Variants in SPATA31E1 observed in about 807,000 individuals in gnomAD.
SPATA31E1 encodes the protein spermatogenesis-associated protein 31E1.
In SPATA31E1, 7 loss-of-function variants were observed where a neutral mutation model predicts 12.9. The observed-to-expected ratio is 0.54, with a 90% CI of 0.31 to 1.02. The LOEUF is 1.02. SPATA31E1 is among the 50% of genes least tolerant of loss of function. SPATA31E1 has a pLI of 0.05. For missense variants in SPATA31E1, 1,961 were observed against 1,799.8 expected, an observed-to-expected ratio of 1.09 and a Z score of -1.62; for synonymous variants, 771 against 719.0, an observed-to-expected ratio of 1.07 and a Z score of -1.16.
Position 87,888,318 on chromosome 9 carries a change from G to C in SPATA31E1, c.3831G>C (p.Arg1277Ser). The C allele has an allele frequency of 6.2e-7, 1 of 1,614,208 alleles. No individual in the cohort carries two copies. The highest frequency in any genetic ancestry group is 1.1e-5 in the South Asian group (1 of 91,082). The change falls in exon 4 of 4, where the codon AGG becomes AGC. Residue 1277 changes from arginine to serine, a missense_variant. Arg to Ser is a moderately radical substitution (Grantham distance 110). Transcript: ENST00000325643. ...ISHHPQGLHP[R>S]KGGTRWEDVL... ...ACCATCCACAGGGTCTACACCCCAG[G>C]AAAGGAGGCACACGGTGGGAAGATG...
chr9:87,888,499 G>A lies in SPATA31E1; in HGVS notation c.4012G>A (p.Gly1338Ser). The A allele has an allele frequency of 6.2e-7, 1 of 1,614,138 alleles. No homozygotes were observed. The highest frequency in any genetic ancestry group is 8.5e-7 in the Non-Finnish European group (1 of 1,180,016). The change falls in exon 4 of 4, where the codon GGT becomes AGT. Residue 1338 changes from glycine to serine, a missense_variant. By Grantham distance (56) the Gly-to-Ser change is moderately conservative. Transcript: ENST00000325643. ...CAAACTGGGGCTTCAGTGGGGACGA[G>A]GTCCCTCAGAGGTCAATCGCCACAA... ...VDKLGLQWGRGPSEVNRHKGD... is the reference protein window; with the variant it reads ...VDKLGLQWGRSPSEVNRHKGD...
rs1828301437 is a variant in SPATA31E1, at chr9:87,887,361, T to C, written c.2874T>C (p.Cys958=). The part of the protein sequence containing the change: ...AFPTGHKGRG[C]SQPPTCSLVG... ...CGACTGGACACAAGGGCAGGGGGTG[T>C]TCTCAGCCCCCAACATGCAGCCTTG... The change falls in exon 4 of 4, where the codon TGT becomes TGC. Residue 958 remains cysteine (C), a synonymous_variant. Coordinates refer to ENST00000325643, the MANE Select transcript of SPATA31E1 (RefSeq NM_178828.5). 6.2e-7 allele frequency: 1 copy of C among 1,613,428 alleles called. No homozygotes were observed. The highest frequency in any genetic ancestry group is 8.5e-7 in the Non-Finnish European group (1 of 1,179,942).
Position 87,886,452 on chromosome 9 carries a change from G to A in SPATA31E1, c.1965G>A (p.Gln655=), listed in dbSNP as rs774915716. ...TGCAGGCATCTGGGGACCTGCTACA[G>A]CCTGATGGGGAATTCCCAGGGAGGC... The part of the protein sequence containing the change: ...SRLQASGDLL[Q]PDGEFPGRPQ... The change falls in exon 4 of 4, where the codon CAG becomes CAA. Residue 655 remains glutamine (Q), a synonymous_variant. Transcript: ENST00000325643. 4 of 1,613,992 alleles carry A rather than the reference G, an allele frequency of 2.5e-6. No individual in the cohort carries two copies. Among genetic ancestry groups the A allele is most frequent in the Admixed American group, 1.7e-5 (1 of 60,020 alleles).
At chr9:87,884,140 C>G in intron 2 of SPATA31E1, 94 bp downstream of exon 2, 2 of 1,456,692 alleles carry the variant, frequency 1.4e-6, no homozygotes, top group Non-Finnish European at 1.9e-6. Flanking sequence ...AGGGAAGCTC[C>G]TGGGAGAGAA....
chr9:87,883,854 T>G, intron 1 of SPATA31E1, 138 bp from the exon 2 acceptor site: 1 of 884,002 alleles, frequency 1.1e-6, no homozygotes, highest in Non-Finnish European at 1.7e-6. Flanking sequence ...ACGGTAAACA[T>G]GAGTAAAAAG....
intron 1 of SPATA31E1, among the ~76,000 whole-genome samples, chr9:87,883,664 C>A (rs1400901497): frequency 6.6e-6 from 1 of 152,186 alleles, no homozygotes; most frequent in African/African-American, 2.4e-5. Context: ...CCATGGTACC[C>A]TGGCCTCCTC....
Position 87,888,086 on chromosome 9 carries a change from G to A in SPATA31E1, c.3599G>A (p.Cys1200Tyr), listed in dbSNP as rs757721319. ...APQKSQKTLGCADKGEAHRRP... is the reference protein window; with the variant it reads ...APQKSQKTLGYADKGEAHRRP... Reference sequence around the variant, plus strand: ...CAGAAGAGTCAGAAGACGCTGGGCTGTGCGGACAAGGGCGAGGCCCACAGG... The same window carrying A: ...CAGAAGAGTCAGAAGACGCTGGGCTATGCGGACAAGGGCGAGGCCCACAGG... The change falls in exon 4 of 4, where the codon TGT becomes TAT. Residue 1200 changes from cysteine (C) to tyrosine (Y), a missense_variant. Transcript: ENST00000325643. The A allele has an allele frequency of 6.2e-7, 1 of 1,601,630 alleles. No homozygotes were observed. Among genetic ancestry groups the A allele is most frequent in the Non-Finnish European group, 8.5e-7 (1 of 1,173,986 alleles).
chr9:87,887,975 C>T lies in SPATA31E1; in HGVS notation c.3488C>T (p.Ala1163Val). ...SQSVSGKNMTASQGPCALLWK... is the reference protein window; with the variant it reads ...SQSVSGKNMTVSQGPCALLWK... The stretch of plus-strand genomic sequence containing the variant: ...AGTGTGTCTGGTAAGAACATGACAG[C>T]TTCCCAGGGGCCATGTGCCCTCCTA... Residue 1163 changes from alanine to valine, a missense_variant, in exon 4 of 4, where the codon GCT (alanine) becomes GTT (valine). Coordinates refer to ENST00000325643, the MANE Select transcript of SPATA31E1 (RefSeq NM_178828.5). 4 of 1,613,810 alleles carry T rather than the reference C, an allele frequency of 2.5e-6. No individual in the cohort carries two copies. Among genetic ancestry groups the T allele is most frequent in the Non-Finnish European group, 3.4e-6 (4 of 1,180,038 alleles).
rs753454888 is a variant in SPATA31E1 at position 87,888,765 on chromosome 9, G to A, written c.4278G>A (p.Ser1426=). ...ACAGGCCAAGAATGGCAAGCACCTC[G>A]GGCGGCCCCCATCCACAGCTGCAGG... ...HHHRPRMAST[S]GGPHPQLQEL... The change falls in exon 4 of 4, where the codon TCG becomes TCA. Residue 1426 remains serine (S), a synonymous_variant. Coordinates refer to ENST00000325643, the MANE Select transcript of SPATA31E1 (RefSeq NM_178828.5). The A allele has an allele frequency of 1.1e-5, 17 of 1,612,958 alleles. No homozygotes were observed. Among genetic ancestry groups the A allele is most frequent in the East Asian group, 8.9e-5 (4 of 44,876 alleles).
In SPATA31E1 at chr9:87,886,383, G is replaced by A. The variant is rs1188292466; in HGVS notation, c.1896G>A (p.Arg632=). 6 of 1,613,562 alleles carry A rather than the reference G, an allele frequency of 3.7e-6. No individual in the cohort carries two copies. Among genetic ancestry groups the A allele is most frequent in the Non-Finnish European group, 4.2e-6 (5 of 1,179,748 alleles). The change falls in exon 4 of 4, where the codon AGG becomes AGA. Residue 632 remains arginine, a synonymous_variant. Coordinates refer to ENST00000325643, the MANE Select transcript of SPATA31E1 (RefSeq NM_178828.5). Reference sequence around the variant, plus strand: ...TCCCAGAGCACTGGTGGCAAGGAAGGAATGCCATCCACCAGGAGCAGTCCT... The same window carrying A: ...TCCCAGAGCACTGGTGGCAAGGAAGAAATGCCATCCACCAGGAGCAGTCCT... ...PELPEHWWQG[R]NAIHQEQSCG...
Position 87,886,812 on chromosome 9 carries a change from G to C in SPATA31E1, c.2325G>C (p.Glu775Asp), listed in dbSNP as rs761451445. Residue 775 changes from glutamate (E) to aspartate (D), a missense_variant, in exon 4 of 4, where the codon GAG becomes GAC. Coordinates refer to ENST00000325643, the MANE Select transcript of SPATA31E1 (RefSeq NM_178828.5). ...LQIHLARKVG[E>D]IKEGWIPMPV... ...TCCATCTGGCCAGGAAGGTAGGGGA[G>C]ATCAAAGAGGGCTGGATCCCCATGC... The C allele has an allele frequency of 3.1e-6, 5 of 1,614,154 alleles. No individual in the cohort carries two copies. Among genetic ancestry groups the C allele is most frequent in the Non-Finnish European group, 4.2e-6 (5 of 1,180,050 alleles).
chr9:87,887,705 C>T lies in SPATA31E1; in HGVS notation c.3218C>T (p.Thr1073Ile), dbSNP rs764293179. 6.2e-7 allele frequency: 1 copy of T among 1,614,144 alleles called. No individual in the cohort carries two copies. The highest frequency in any genetic ancestry group is 8.5e-7 in the Non-Finnish European group (1 of 1,180,036). Residue 1073 changes from threonine (T) to isoleucine (I), a missense_variant, in exon 4 of 4, where the codon ACT becomes ATT. By Grantham distance (89) the Thr-to-Ile change is moderately conservative. Coordinates refer to ENST00000325643, the MANE Select transcript of SPATA31E1 (RefSeq NM_178828.5). ...AGGAGCACAGGGGCTCTGGGGACCA[C>T]TGGTAACCCCTCAGCGTCTTCAGTC... Reference protein sequence around the residue: ...DLRSTGALGTTGNPSASSVCV... With the variant: ...DLRSTGALGTIGNPSASSVCV...
rs200670553 is a variant in SPATA31E1, at chr9:87,886,853, G to T, written c.2366G>T (p.Trp789Leu). 3.7e-6 allele frequency: 6 copies of T among 1,614,140 alleles called. No homozygotes were observed. The highest frequency in any genetic ancestry group is 5.1e-6 in the Non-Finnish European group (6 of 1,180,036). Residue 789 changes from tryptophan (W) to leucine (L), a missense_variant, in exon 4 of 4, where the codon TGG becomes TTG. By Grantham distance (61) the Trp-to-Leu change is moderately conservative (BLOSUM62 -2). Transcript: ENST00000325643. ...ATCCCCATGCCTGTGCGTCGCTCCT[G>T]GCTCATGGCCAAATGTGCTGTTCCC... ...GWIPMPVRRS[W>L]LMAKCAVPKS...
rs1381712449 is a variant in SPATA31E1 at position 87,888,865 on chromosome 9, G to A, written c.*40G>A. 15 of 1,527,328 alleles carry A rather than the reference G, an allele frequency of 9.8e-6. No individual in the cohort carries two copies. The highest frequency in any genetic ancestry group is 1.4e-5 in the African/African-American group (1 of 72,364). The allele number at this position is 1,527,328 out of a possible 1,614,324, so 94.6% of individuals were successfully genotyped here. On this transcript the variant is annotated 3_prime_UTR_variant, in exon 4 of 4. Transcript: ENST00000325643. ...CTTGCATGTCTCCTGGGGGAGACAG[G>A]GGGTTCTACTCAAATAAAACTGATG...
intron 3 of SPATA31E1, 54 bp downstream of exon 3, chr9:87,884,705 G>A: frequency 5.0e-6 from 8 of 1,603,074 alleles, no homozygotes; most frequent in Non-Finnish European, 6.8e-6. Context: ...GGCCTCTGAT[G>A]CAACCCTACG....
Position 87,887,605 on chromosome 9 carries a change from G to A in SPATA31E1, c.3118G>A (p.Glu1040Lys). The change falls in exon 4 of 4, where the codon GAG (glutamate) becomes AAG (lysine). Residue 1040 changes from glutamate (E) to lysine (K), a missense_variant. By Grantham distance (56) the Glu-to-Lys change is moderately conservative. Transcript: ENST00000325643. ...TGCCCTGCAGGCACTGAAAGTGGGG[G>A]AGAAGCCCCCAACTTGGGAAGTCAC... ...EDALQALKVGEKPPTWEVTLG... is the reference protein window; with the variant it reads ...EDALQALKVGKKPPTWEVTLG... 1 of 1,614,184 alleles carries A rather than the reference G, an allele frequency of 6.2e-7. No individual in the cohort carries two copies. Among genetic ancestry groups the A allele is most frequent in the Non-Finnish European group, 8.5e-7 (1 of 1,180,028 alleles).
rs778088274 is a variant in SPATA31E1 at position 87,883,293 on chromosome 9, T to C, written c.309+93T>C. ...TTTCCTAAGCAATGTGAGACCCTTC[T>C]GTGATGGGAAATCTCGTCATCCCTC... is the stretch of plus-strand genomic sequence containing the variant. On this transcript the variant is annotated intron_variant, in intron 1 of 3. Coordinates refer to ENST00000325643, the MANE Select transcript of SPATA31E1 (RefSeq NM_178828.5). 5.4e-4 allele frequency: 707 copies of C among 1,317,554 alleles called. 3 individuals are homozygous for C. The highest frequency in any genetic ancestry group is 6.5e-4 in the Non-Finnish European group (648 of 996,008). 81.6% of individuals were successfully genotyped at this position (1,317,554 alleles called of 1,614,324 possible). A position where few individuals can be genotyped will look rare whatever the true frequency, so the allele number is the denominator to read the frequency against.
chr9:87,885,200 C>G lies in SPATA31E1; in HGVS notation c.713C>G (p.Pro238Arg). The stretch of plus-strand genomic sequence containing the variant: ...CCCCTAAAATGCCCTGCAACCCAGC[C>G]ACATGTGGTTTTTCCTCCTTCACCA... Reference protein sequence around the residue: ...LLPLKCPATQPHVVFPPSPQP... With the variant: ...LLPLKCPATQRHVVFPPSPQP... Residue 238 changes from proline to arginine, a missense_variant, in exon 4 of 4, where the codon CCA (proline) becomes CGA (arginine). Coordinates refer to ENST00000325643, the MANE Select transcript of SPATA31E1 (RefSeq NM_178828.5). 1 of 1,614,144 alleles carries G rather than the reference C, an allele frequency of 6.2e-7. No individual in the cohort carries two copies. Among genetic ancestry groups the G allele is most frequent in the Non-Finnish European group, 8.5e-7 (1 of 1,180,016 alleles).
Position 87,886,486 on chromosome 9 carries a change from C to T in SPATA31E1, c.1999C>T (p.Gln667Ter). The T allele has an allele frequency of 1.2e-6, 2 of 1,613,982 alleles. No homozygotes were observed. Among genetic ancestry groups the T allele is most frequent in the South Asian group, 1.1e-5 (1 of 91,078 alleles). ...DGEFPGRPQSQAEDTQQALLP... is the reference protein window; with the variant it reads ...DGEFPGRPQS The stretch of plus-strand genomic sequence containing the variant: ...GGAATTCCCAGGGAGGCCCCAGAGT[C>T]AGGCAGAAGACACGCAGCAGGCCCT... The change falls in exon 4 of 4, where the codon CAG becomes TAG. Residue 667 changes from glutamine (Q) to a stop codon, truncating the protein, a stop_gained. Coordinates refer to ENST00000325643, the MANE Select transcript of SPATA31E1 (RefSeq NM_178828.5). LOFTEE classifies it low-confidence loss of function (END_TRUNC).
Sources: allele counts gnomAD v4.1 joint callset (sites outside exome capture counted in the v4.1 genomes callset), GRCh38; gene constraint gnomAD v4.1.1; transcripts MANE v1.5; gene names NCBI Gene and HGNC (gene_info 2026-07-23, HGNC 2026-07-21).